WIPI2: variants seen among roughly 807,000 people sequenced by gnomAD.
WIPI2 encodes the protein WD repeat domain phosphoinositide-interacting protein 2.
WIPI2 carries 28 observed loss-of-function variants against 52.3 expected under a neutral mutation model. The observed-to-expected ratio is 0.54, with a 90% CI of 0.40 to 0.73. The LOEUF is 0.73. WIPI2 is among the 30% of genes least tolerant of loss of function. WIPI2 has a pLI of 0.00. For missense variants in WIPI2, 506 were observed against 602.9 expected, an observed-to-expected ratio of 0.84 and a Z score of 1.68; for synonymous variants, 268 against 245.0, an observed-to-expected ratio of 1.09 and a Z score of -0.88.
chr7:5,215,671 C>T lies in WIPI2; in HGVS notation c.382-892C>T, dbSNP rs183666954. Among the ~76,000 whole-genome samples the T allele has an allele frequency of 4.2e-3, 645 of 152,346 alleles. 14 individuals carry two copies. The highest frequency in any genetic ancestry group is 2.7e-3 in the East Asian group (14 of 5,182). ...TCACAGTAGAGACGTTCTTGCCTTA[C>T]GCAGTTGAAACTAGGAAGTGGTCTG... is the stretch of plus-strand genomic sequence containing the variant. On this transcript the variant is annotated intron_variant, in intron 4 of 12. Transcript: ENST00000288828.
chr7:5,228,617 C>T (rs1465167958), intron 11 of WIPI2, among the ~76,000 whole-genome samples: 1 of 152,246 alleles, frequency 6.6e-6, no homozygotes, highest in African/African-American at 2.4e-5. Flanking sequence ...TCTTGTCTCA[C>T]TGTGAGGTAC....
intron 3 of WIPI2, among the ~76,000 whole-genome samples, chr7:5,210,657 C>CA (rs752729947): frequency 1.3e-4 from 20 of 152,244 alleles, no homozygotes; most frequent in Admixed American, 6.5e-4. Flanking sequence ...TTTTACCAAG[C>CA]AAAGCAGTAA....
Position 5,217,148 on chromosome 7 carries a change from G to T in WIPI2, c.537G>T (p.Ala179=). 1 of 1,614,124 alleles carries T rather than the reference G, an allele frequency of 6.2e-7. No homozygotes were observed. The highest frequency in any genetic ancestry group is 8.5e-7 in the Non-Finnish European group (1 of 1,180,012). The stretch of plus-strand genomic sequence containing the variant: ...GCTACTTGGCGTACCCAGGGAGCGC[G>T]ACCATCGGAGAGGTGCAGGTCTTCG... ...DNCYLAYPGS[A]TIGEVQVFDT... The change falls in exon 6 of 13, where the codon GCG becomes GCT. Residue 179 remains alanine, a synonymous_variant. Transcript: ENST00000288828.
intron 2 of WIPI2, among the ~76,000 whole-genome samples, chr7:5,193,533 A>C (rs1013852773): frequency 6.6e-6 from 1 of 152,124 alleles, no homozygotes; most frequent in African/African-American, 2.4e-5. Context: ...CTGGGAAGGT[A>C]CTGCTCTCCT....
At position 5,218,021 on chromosome 7, in the gene WIPI2, C is replaced by T. The variant is rs1207281029; in HGVS notation, c.669+7C>T. 1 of 1,614,114 alleles carries T rather than the reference C, an allele frequency of 6.2e-7. No homozygotes were observed. Among genetic ancestry groups the T allele is most frequent in the Non-Finnish European group, 8.5e-7 (1 of 1,179,974 alleles). On this transcript the variant is annotated splice_region_variant and intron_variant, in intron 7 of 12. Coordinates refer to ENST00000288828, the MANE Select transcript of WIPI2 (RefSeq NM_015610.4). The stretch of plus-strand genomic sequence containing the variant: ...TGCCACGGCTTCGGAGAAGGTGAGT[C>T]TGCTTTTCCCCGGGGGAGCACTGGT...
Position 5,227,120 on chromosome 7 carries a change from G to T in WIPI2, c.849-60G>T, listed in dbSNP as rs1466843287. 1.2e-6 allele frequency: 2 copies of T among 1,600,982 alleles called. No homozygotes were observed. The highest frequency in any genetic ancestry group is 1.7e-5 in the Admixed American group (1 of 58,764). ...CAGAGCTGTGCGTCTGTGTGAGTAG[G>T]GGGTGGCCGTCCCCCCAGGGAGGGT... On this transcript the variant is annotated intron_variant, in intron 9 of 12. Coordinates refer to ENST00000288828, the MANE Select transcript of WIPI2 (RefSeq NM_015610.4). This position sits in a 1 kb window ranked among gnomAD's most constrained non-coding sequence, Gnocchi z 8.1.
rs938377915 is a variant in WIPI2, at chr7:5,231,105, C to T, written c.*158C>T. 8 of 466,690 alleles carry T rather than the reference C, an allele frequency of 1.7e-5. No homozygotes were observed. Among genetic ancestry groups the T allele is most frequent in the Middle Eastern group, 5.2e-4 (1 of 1,928 alleles). 28.9% of individuals were successfully genotyped at this position (466,690 alleles called of 1,614,324 possible). A position where few individuals can be genotyped will look rare whatever the true frequency, so the allele number is the denominator to read the frequency against. On this transcript the variant is annotated 3_prime_UTR_variant, in exon 13 of 13. Transcript: ENST00000288828. ...TTGTAGTGGTAGTCTAACTCCATAA[C>T]GCTGAGGAAATACATCATTTTCACT... is the stretch of plus-strand genomic sequence containing the variant.
chr7:5,210,523 A>G (rs1782506177), intron 3 of WIPI2, among the ~76,000 whole-genome samples: 1 of 152,198 alleles, frequency 6.6e-6, no homozygotes, highest in African/African-American at 2.4e-5. Context: ...CCCTGGGCCC[A>G]CATCTCTTTG....
intron 8 of WIPI2, 60 bp downstream of exon 8, chr7:5,222,732 G>A (rs966790057): frequency 7.8e-5 from 117 of 1,507,694 alleles, no homozygotes; most frequent in Non-Finnish European, 3.8e-5. Flanking sequence ...TCAGTTTTAT[G>A]TTATCTATGA....
At chr7:5,192,898 A>G (rs1157526968) in intron 1 of WIPI2, among the ~76,000 whole-genome samples, 2 of 152,214 alleles carry the variant, frequency 1.3e-5, no homozygotes, top group African/African-American at 4.8e-5. Flanking sequence ...AAGCCAGTTC[A>G]CTTACTAGAA....
intron 3 of WIPI2, among the ~76,000 whole-genome samples, chr7:5,202,814 G>T (rs1424510005): frequency 6.6e-6 from 1 of 152,134 alleles, no homozygotes; most frequent in Non-Finnish European, 1.5e-5. Flanking sequence ...ACAAAATGTG[G>T]TCTCTTTTCC....
chr7:5,210,133 G>A (rs1042316598), intron 3 of WIPI2, among the ~76,000 whole-genome samples: 14 of 151,906 alleles, frequency 9.2e-5, no homozygotes, highest in African/African-American at 3.1e-4. Flanking sequence ...GGCCTCGAAC[G>A]CCTGACCTCA....
At position 5,232,607 on chromosome 7, in the gene WIPI2, G is replaced by T. The variant is rs753115285; in HGVS notation, c.*1660G>T. On this transcript the variant is annotated 3_prime_UTR_variant, in exon 13 of 13. Coordinates refer to ENST00000288828, the MANE Select transcript of WIPI2 (RefSeq NM_015610.4). ...CCAGAGTGGGCTATGCTTGAGCAGG[G>T]ATGAGAAGGGCCGCGGCAGCACGCA... 7.5e-5 allele frequency: 24 copies of T among 318,644 alleles called. No homozygotes were observed. Among genetic ancestry groups the T allele is most frequent in the Non-Finnish European group, 1.3e-4 (22 of 175,926 alleles). The allele number at this position is 318,644 out of a possible 1,614,324, so 19.7% of individuals were successfully genotyped here.
chr7:5,194,364 G>A (rs1583535669), intron 2 of WIPI2, among the ~76,000 whole-genome samples: 1 of 152,160 alleles, frequency 6.6e-6, no homozygotes, highest in African/African-American at 2.4e-5. Context: ...TGGCTTCTCC[G>A]CAAAGATGAT....
At chr7:5,216,381 G>A (rs1782813359) in intron 4 of WIPI2, 182 bp from the exon 5 acceptor site, 5 of 455,256 alleles carry the variant, frequency 1.1e-5, no homozygotes, top group South Asian at 7.6e-5. Flanking sequence ...GCAGTGAGCC[G>A]AGATCACACC....
intron 3 of WIPI2, among the ~76,000 whole-genome samples, chr7:5,200,734 C>T (rs570028275): frequency 2.6e-5 from 4 of 152,278 alleles, no homozygotes; most frequent in South Asian, 4.1e-4. Flanking sequence ...CTTTCGGACT[C>T]GCTCCTGGGC....
At chr7:5,197,111 CAAAAAACAAAAAAAAA>C (rs1489168715) in intron 2 of WIPI2, among the ~76,000 whole-genome samples, 18 of 56,422 alleles carry the variant, frequency 3.2e-4, no homozygotes, top group South Asian at 1.6e-3. Context: ...GACTCCGTCT[CAAAAAACAAAAAAAAA>C]AAAAAAAAAA....
At chr7:5,214,397 G>C (rs958471500) in intron 3 of WIPI2, 138 bp from the exon 4 acceptor site, 1 of 1,606,952 alleles carries the variant, frequency 6.2e-7, no homozygotes, top group African/African-American at 1.3e-5. Context: ...CCCACCCCAT[G>C]ACCACATGTT....
Position 5,231,037 on chromosome 7 carries a change from C to T in WIPI2, c.*90C>T, listed in dbSNP as rs1405369984. 4.8e-6 allele frequency: 5 copies of T among 1,038,004 alleles called. No individual in the cohort carries two copies. The highest frequency in any genetic ancestry group is 5.7e-5 in the East Asian group (2 of 34,820). The allele number at this position is 1,038,004 out of a possible 1,614,324, so 64.3% of individuals were successfully genotyped here. On this transcript the variant is annotated 3_prime_UTR_variant, in exon 13 of 13. Coordinates refer to ENST00000288828, the MANE Select transcript of WIPI2 (RefSeq NM_015610.4). ...TGCTGCTATGAACTTTGACCTGAGT[C>T]GGGGGAGAGGATGGCAGAGACTTTA...
Sources: allele counts gnomAD v4.1 joint callset (sites outside exome capture counted in the v4.1 genomes callset), GRCh38; gene constraint gnomAD v4.1.1; non-coding constraint Gnocchi (gnomAD v3.1); transcripts MANE v1.5; gene names NCBI Gene and HGNC (gene_info 2026-07-23, HGNC 2026-07-21).